GTF2B: variants seen among roughly 807,000 people sequenced by gnomAD.
The protein encoded by GTF2B is transcription initiation factor IIB.
Under a neutral mutation model 34.6 loss-of-function variants are expected in GTF2B, and 20 were observed. The observed-to-expected ratio is 0.58, with a 90% CI of 0.41 to 0.84. GTF2B has a LOEUF of 0.84. GTF2B is among the 40% of genes least tolerant of loss of function. GTF2B has a pLI of 0.00. For synonymous variants in GTF2B, 142 were observed against 132.4 expected (o/e 1.07, Z -0.50); for missense variants, 237 against 393.3 (o/e 0.60, Z 3.36).
At chr1:88,853,856 T>A (rs1365070411) in intron 6 of GTF2B, among the ~76,000 whole-genome samples, 1 of 152,122 alleles carries the variant, frequency 6.6e-6, no homozygotes, top group Non-Finnish European at 1.5e-5. Flanking sequence ...GCATTCATAA[T>A]ACTTAACCAA....
chr1:88,868,669 C>A lies in GTF2B; in HGVS notation c.125-4555G>T, dbSNP rs571417402. Among the ~76,000 whole-genome samples the A allele has an allele frequency of 8.5e-5, 13 of 152,210 alleles. No individual in the cohort carries two copies. The South Asian group carries it at 2.7e-3, about 32-fold the overall frequency. On this transcript the variant is annotated intron_variant, in intron 2 of 6. Coordinates refer to ENST00000370500, the MANE Select transcript of GTF2B (RefSeq NM_001514.6). ...TTGCACCAGTTTCAAGTGGTTTAGT[C>A]ACTTTGGCACCTATCTTACAATCTG...
chr1:88,874,987 C>G (rs1016567789), intron 2 of GTF2B, among the ~76,000 whole-genome samples: 1 of 151,838 alleles, frequency 6.6e-6, no homozygotes, highest in Non-Finnish European at 1.5e-5. Flanking sequence ...ATGCTGTAAA[C>G]AGTCTAATGT....
chr1:88,870,811 C>G (rs2100971337), intron 2 of GTF2B, among the ~76,000 whole-genome samples: 1 of 151,662 alleles, frequency 6.6e-6, no homozygotes, highest in South Asian at 2.1e-4. Flanking sequence ...AAGCATTATT[C>G]TACTCTAAGT....
At chr1:88,881,663 G>A (rs748977578) in intron 2 of GTF2B, among the ~76,000 whole-genome samples, 4 of 151,990 alleles carry the variant, frequency 2.6e-5, no homozygotes, top group Non-Finnish European at 4.4e-5. Context: ...TGAGCCTACC[G>A]TATATTTTAA....
chr1:88,857,986 G>A (rs556193894), intron 5 of GTF2B, among the ~76,000 whole-genome samples: 1 of 150,814 alleles, frequency 6.6e-6, no homozygotes, highest in Non-Finnish European at 1.5e-5. Context: ...CTGGCCTAAT[G>A]TTCTTCACTC....
intron 1 of GTF2B, 95 bp downstream of exon 1, chr1:88,891,388 G>C: frequency 2.3e-6 from 2 of 876,426 alleles, no homozygotes. Context: ...ATACCCCTAG[G>C]CGCTCAGCCC....
At chr1:88,884,209 G>A (rs917373888) in intron 2 of GTF2B, among the ~76,000 whole-genome samples, 2 of 151,956 alleles carry the variant, frequency 1.3e-5, no homozygotes, top group Non-Finnish European at 2.9e-5. Flanking sequence ...TGTATTTTTA[G>A]TAGAGATGGA....
rs1186695333 is a variant in GTF2B, at chr1:88,864,131, A to G, written c.125-17T>C. 2.5e-6 allele frequency: 4 copies of G among 1,613,082 alleles called. No individual in the cohort carries two copies. The highest frequency in any genetic ancestry group is 2.7e-5 in the African/African-American group (2 of 75,036). On this transcript the variant is annotated splice_polypyrimidine_tract_variant and intron_variant, in intron 2 of 6. Transcript: ENST00000370500. Reference sequence around the variant, plus strand: ...CCCGGTCACCTAAGAATATAAGCACATATCTGAATCATTTTGTCAAGATAG... The same window carrying G: ...CCCGGTCACCTAAGAATATAAGCACGTATCTGAATCATTTTGTCAAGATAG...
intron 2 of GTF2B, among the ~76,000 whole-genome samples, chr1:88,884,591 G>A (rs1469146738): frequency 6.6e-6 from 1 of 152,114 alleles, no homozygotes; most frequent in Admixed American, 6.5e-5. Context: ...TTCCTTGCTT[G>A]GCCAAGAAAT....
chr1:88,857,505 A>AAAT lies in GTF2B; in HGVS notation c.536-21_536-19dup, dbSNP rs1171618010. On this transcript the variant is annotated intron_variant, in intron 5 of 6. Transcript: ENST00000370500. Reference sequence around the variant, plus strand: ...ACATATTTCTAAAAGAAAAAAAATTAAATAAATCAATTCACTTAAGCCATA... The same window carrying AAAT: ...ACATATTTCTAAAAGAAAAAAAATTAAATAATAAATCAATTCACTTAAGCCATA... 1.5e-6 allele frequency: 2 copies of AAAT among 1,355,358 alleles called. No homozygotes were observed. Among genetic ancestry groups the AAAT allele is most frequent in the Non-Finnish European group, 2.1e-6 (2 of 955,876 alleles). The allele number at this position is 1,355,358 out of a possible 1,614,324, so 84.0% of individuals were successfully genotyped here.
chr1:88,885,675 G>A lies in GTF2B; in HGVS notation c.124+1586C>T, dbSNP rs560250958. Among the ~76,000 whole-genome samples the A allele has an allele frequency of 7.2e-5, 11 of 152,144 alleles. No homozygotes were observed. The East Asian group carries it at 1.4e-3, about 19-fold the overall frequency. On this transcript the variant is annotated intron_variant, in intron 2 of 6. Transcript: ENST00000370500. ...TGAGGCAGGAGAATCACTTGAACCC[G>A]GGAGGCGGAGGTTGTGGTGAACCGA...
chr1:88,871,074 G>A (rs982728782), intron 2 of GTF2B, among the ~76,000 whole-genome samples: 2 of 151,800 alleles, frequency 1.3e-5, no homozygotes, highest in Non-Finnish European at 2.9e-5. Context: ...GCTAATTTTT[G>A]TATTTTTAGT....
intron 3 of GTF2B, among the ~76,000 whole-genome samples, chr1:88,861,495 C>T (rs1472716835): frequency 1.3e-5 from 2 of 152,074 alleles, no homozygotes; most frequent in Non-Finnish European, 2.9e-5. Flanking sequence ...AGAAACCCTA[C>T]CTCTACTAAA....
chr1:88,868,903 T>C (rs1673624466), intron 2 of GTF2B, among the ~76,000 whole-genome samples: 2 of 152,176 alleles, frequency 1.3e-5, no homozygotes, highest in Admixed American at 1.3e-4. Context: ...GCCTGACTAA[T>C]TTTTTTGTAC....
Position 88,857,297 on chromosome 1 carries a change from C to T in GTF2B, c.726G>A (p.Leu242=). 2 of 1,613,546 alleles carry T rather than the reference C, an allele frequency of 1.2e-6. No homozygotes were observed. The highest frequency in any genetic ancestry group is 2.2e-5 in the South Asian group (2 of 91,054). Residue 242 remains leucine (L), a synonymous_variant, in exon 6 of 7, where the codon CTG becomes CTA. Transcript: ENST00000370500. ...TGGGGCTCCTCCCAGGAACCAAGTC[C>T]AGTTCCACAGCTTTACGGGCTATAT... is the stretch of plus-strand genomic sequence containing the variant. The part of the protein sequence containing the change: ...ATHIARKAVE[L]DLVPGRSPIS...
chr1:88,855,856 A>C (rs1304373388), intron 6 of GTF2B, among the ~76,000 whole-genome samples: 1 of 152,206 alleles, frequency 6.6e-6, no homozygotes. Context: ...GGGTTTTGCC[A>C]TGTTGGCCAG....
chr1:88,858,207 G>A (rs1346653557), intron 5 of GTF2B, among the ~76,000 whole-genome samples: 2 of 151,822 alleles, frequency 1.3e-5, no homozygotes, highest in Non-Finnish European at 2.9e-5. Flanking sequence ...CACCATCTTG[G>A]CCAGGCTGGT....
chr1:88,868,746 T>C (rs983132413), intron 2 of GTF2B, among the ~76,000 whole-genome samples: 2 of 152,098 alleles, frequency 1.3e-5, no homozygotes, highest in African/African-American at 2.4e-5. Flanking sequence ...TATTCTTTTT[T>C]TTTTTTTGAG....
chr1:88,861,455 G>A (rs1673439355), intron 3 of GTF2B, among the ~76,000 whole-genome samples: 2 of 152,192 alleles, frequency 1.3e-5, no homozygotes, highest in South Asian at 2.1e-4. Context: ...ACCTGAGGTC[G>A]GGAGTGTGAG....
Sources: gnomAD v4.1 joint callset for allele counts (sites outside exome capture counted in the v4.1 genomes callset) on GRCh38, gnomAD v4.1.1 for gene constraint, MANE v1.5 for transcripts, NCBI Gene and HGNC (gene_info 2026-07-23, HGNC 2026-07-21) for gene names.